The following WWTR1 variants were observed in gnomAD, a reference collection of about 807,000 sequenced individuals.
WWTR1 encodes WW domain-containing transcription regulator protein 1.
Under a neutral mutation model 40.1 loss-of-function variants are expected in WWTR1, and 13 were observed. The ratio of observed to expected loss-of-function variants is 0.32; its 90% CI spans 0.21 to 0.52. The LOEUF (loss-of-function observed/expected upper bound fraction) is 0.52. WWTR1 is among the 20% of genes least tolerant of loss of function. WWTR1 has a pLI of 0.97. For missense variants in WWTR1, 436 were observed against 523.1 expected (o/e 0.83, Z 1.63); for synonymous variants, 230 against 210.1 (o/e 1.09, Z -0.82).
chr3:149,657,126 G>A lies in WWTR1; in HGVS notation c.181C>T (p.His61Tyr), dbSNP rs1237323031. The A allele has an allele frequency of 1.3e-6, 2 of 1,591,352 alleles. No individual in the cohort carries two copies. Among genetic ancestry groups the A allele is most frequent in the Non-Finnish European group, 1.7e-6 (2 of 1,171,196 alleles). The change falls in exon 2 of 7, where the codon CAC becomes TAC. Residue 61 changes from histidine (H) to tyrosine (Y), a missense_variant. Coordinates refer to ENST00000360632, the MANE Select transcript of WWTR1 (RefSeq NM_015472.6). Reference protein sequence around the residue: ...SFFKEPDSGSHSRQSSTDSSG... With the variant: ...SFFKEPDSGSYSRQSSTDSSG... ...GAGTCGGTGCTGGACTGGCGCGAGT[G>A]CGAGCCCGAATCAGGCTCCTTAAAG...
intron 2 of WWTR1, chr3:149,576,244 A>C: frequency 2.7e-6 from 1 of 374,660 alleles, no homozygotes; most frequent in Non-Finnish European, 5.3e-6. Flanking sequence ...CACAAGAGGC[A>C]CTTAATACAG....
At chr3:149,650,646 T>C (rs1295242130) in intron 2 of WWTR1, among the ~76,000 whole-genome samples, 1 of 122,004 alleles carries the variant, frequency 8.2e-6, no homozygotes, top group Non-Finnish European at 1.9e-5. Context: ...CCCTTCTCCA[T>C]TTCCTCTTCC....
chr3:149,614,679 G>C (rs1166540812), intron 2 of WWTR1, among the ~76,000 whole-genome samples: 1 of 152,084 alleles, frequency 6.6e-6, no homozygotes, highest in Non-Finnish European at 1.5e-5. Flanking sequence ...CTTTCAAAAG[G>C]AGACATCAGA....
chr3:149,581,732 G>A (rs1032753172), intron 2 of WWTR1, among the ~76,000 whole-genome samples: 3 of 152,120 alleles, frequency 2.0e-5, no homozygotes, highest in East Asian at 1.9e-4. Flanking sequence ...TCACAGACTT[G>A]CCAAGAAGTT....
intron 2 of WWTR1, among the ~76,000 whole-genome samples, chr3:149,663,619 C>T (rs1713678163): frequency 6.6e-6 from 1 of 152,044 alleles, no homozygotes; most frequent in Non-Finnish European, 1.5e-5. Flanking sequence ...TTGCTTGAAC[C>T]CAGGAGGCGG....
intron 3 of WWTR1, among the ~76,000 whole-genome samples, chr3:149,545,988 T>A (rs1211319385): frequency 6.6e-6 from 1 of 152,214 alleles, no homozygotes; most frequent in Non-Finnish European, 1.5e-5. Context: ...TGTACTGTAT[T>A]ACTGAAAGCC....
intron 2 of WWTR1, among the ~76,000 whole-genome samples, chr3:149,588,873 G>A (rs1327009036): frequency 6.6e-6 from 1 of 152,130 alleles, no homozygotes. Flanking sequence ...TTAACTGTGA[G>A]TTGGAAAAGG....
At chr3:149,621,352 A>G (rs909098828) in intron 2 of WWTR1, among the ~76,000 whole-genome samples, 7 of 152,146 alleles carry the variant, frequency 4.6e-5, no homozygotes, top group African/African-American at 1.7e-4. Flanking sequence ...TTTTTAACTC[A>G]AGTAATGTTA....
chr3:149,623,715 T>G (rs1003665772), intron 2 of WWTR1, among the ~76,000 whole-genome samples: 1 of 152,214 alleles, frequency 6.6e-6, no homozygotes, highest in African/African-American at 2.4e-5. Context: ...CTTTCAGGGC[T>G]AATCATCCAC....
chr3:149,611,746 A>G (rs898273137), intron 2 of WWTR1, among the ~76,000 whole-genome samples: 1 of 152,164 alleles, frequency 6.6e-6, no homozygotes, highest in Non-Finnish European at 1.5e-5. Flanking sequence ...ACATGGTTTA[A>G]CAGTTAATAA....
chr3:149,650,635 C>A (rs187932949), intron 2 of WWTR1, among the ~76,000 whole-genome samples: 1 of 142,846 alleles, frequency 7.0e-6, no homozygotes, highest in East Asian at 2.1e-4. Context: ...TGCTCATCTC[C>A]CCCTTCTCCA....
In WWTR1 at chr3:149,542,074, C is replaced by T. The variant is rs1736129683; in HGVS notation, c.771+261G>A. On this transcript the variant is annotated intron_variant, in intron 4 of 6. Transcript: ENST00000360632. ...CTTGTCTCTCTACTTTCTCCTTTCT[C>T]TCCTTCTAAAGACTAGCAGTGGAAG... is the stretch of plus-strand genomic sequence containing the variant. 2.0e-5 allele frequency among the ~76,000 whole-genome samples: 3 copies of T among 152,212 alleles called. No individual in the cohort carries two copies. The South Asian group carries it at 6.2e-4, about 31-fold the overall frequency.
Position 149,520,705 on chromosome 3 carries a change from G to A in WWTR1, c.*100C>T, listed in dbSNP as rs749536260. The A allele has an allele frequency of 7.0e-6, 8 of 1,142,202 alleles. No homozygotes were observed. The highest frequency in any genetic ancestry group is 4.8e-5 in the African/African-American group (3 of 62,328). 70.8% of individuals were successfully genotyped at this position (1,142,202 alleles called of 1,614,324 possible). ...AGGAGGGAGCACGAGTCATGGAGGC[G>A]GGAAGTGGTGCACCTGCAGACTTGC... On this transcript the variant is annotated 3_prime_UTR_variant, in exon 7 of 7. Transcript: ENST00000360632.
chr3:149,533,875 T>C (rs1735701355), intron 4 of WWTR1, among the ~76,000 whole-genome samples: 1 of 152,226 alleles, frequency 6.6e-6, no homozygotes, highest in African/African-American at 2.4e-5. Context: ...CTGCTGATAG[T>C]GTTAAATGGT....
intron 1 of WWTR1, among the ~76,000 whole-genome samples, chr3:149,698,996 A>G (rs1400928491): frequency 6.6e-6 from 1 of 151,992 alleles, no homozygotes. Flanking sequence ...CCTTTTTCCC[A>G]TTGTCTTGGC....
Position 149,640,010 on chromosome 3 carries a change from A to AAAAG in WWTR1, c.431+16862_431+16865dup, listed in dbSNP as rs1179547242. Among the ~76,000 whole-genome samples the AAAAG allele has an allele frequency of 5.5e-3, 777 of 140,248 alleles. 4 individuals carry two copies. The highest frequency in any genetic ancestry group is 6.6e-3 in the South Asian group (31 of 4,704). The allele number at this position is 140,248 out of a possible 152,430, so 92.0% of individuals were successfully genotyped here. On this transcript the variant is annotated intron_variant, in intron 2 of 6. Transcript: ENST00000360632. ...CTCCGTCTCAAAAAAAAAAAAAAAA[A>AAAAG]AAAGAAAGAAAGAAAGAAAGAAAGA... is the stretch of plus-strand genomic sequence containing the variant.
chr3:149,634,944 G>A (rs1711736245), intron 2 of WWTR1, among the ~76,000 whole-genome samples: 1 of 152,232 alleles, frequency 6.6e-6, no homozygotes, highest in African/African-American at 2.4e-5. Context: ...AATTGACAAT[G>A]CTAGCCAAAA....
rs1007582929 is a variant in WWTR1 at position 149,710,575 on chromosome 3, C to G, written n.584+6867G>C. On this transcript the variant is annotated intron_variant and non_coding_transcript_variant, in intron 5 of 6. Transcript: ENST00000474080. Reference sequence around the variant, plus strand: ...ACATTATCATTATCCCCGCCTCCCCCCCCCCCCTTTTTTTTTTTTTTTGAG... The same window carrying G: ...ACATTATCATTATCCCCGCCTCCCCGCCCCCCCTTTTTTTTTTTTTTTGAG... 5.2e-5 allele frequency among the ~76,000 whole-genome samples: 4 copies of G among 77,118 alleles called. 1 individual carries two copies. Among genetic ancestry groups the G allele is most frequent in the East Asian group, 1.1e-3 (2 of 1,802 alleles). The allele number at this position is 77,118 out of a possible 152,430, so 50.6% of individuals were successfully genotyped here.
intron 2 of WWTR1, among the ~76,000 whole-genome samples, chr3:149,641,122 C>T (rs1243181633): frequency 6.6e-6 from 1 of 152,102 alleles, no homozygotes; most frequent in Non-Finnish European, 1.5e-5. Flanking sequence ...TTTTGTTTTA[C>T]TCTTGGCAGA....
Sources: allele counts gnomAD v4.1 joint callset (sites outside exome capture counted in the v4.1 genomes callset), GRCh38; gene constraint gnomAD v4.1.1; transcripts MANE v1.5; gene names NCBI Gene and HGNC (gene_info 2026-07-23, HGNC 2026-07-21).